Variants in CEP112 observed in about 807,000 individuals in gnomAD.
CEP112 encodes centrosomal protein of 112 kDa.
In CEP112, 127 loss-of-function variants were observed where a neutral mutation model predicts 153.0. The observed-to-expected ratio is 0.83, with a 90% CI of 0.72 to 0.96. The LOEUF (loss-of-function observed/expected upper bound fraction) is 0.96. Among genes scored for constraint, CEP112 ranks in the 40% least tolerant of loss-of-function variants. CEP112 has a pLI of 0.00. For missense variants in CEP112, 1,089 were observed against 1,101.2 expected, an observed-to-expected ratio of 0.99 and a Z score of 0.16; for synonymous variants, 358 against 374.4, an observed-to-expected ratio of 0.96 and a Z score of 0.51.
intron 18 of CEP112, among the ~76,000 whole-genome samples, chr17:65,944,553 A>T (rs1037388831): frequency 5.3e-5 from 8 of 152,196 alleles, no homozygotes; most frequent in Non-Finnish European, 8.8e-5. Flanking sequence ...CATTTTGGAA[A>T]CACAGTTAAA....
chr17:66,180,446 G>A (rs2072674718), intron 2 of CEP112, among the ~76,000 whole-genome samples: 1 of 151,918 alleles, frequency 6.6e-6, no homozygotes, highest in Non-Finnish European at 1.5e-5. Context: ...TGTAAACCTT[G>A]AAAGAGATAA....
chr17:66,039,377 C>A (rs2065878280), intron 12 of CEP112, among the ~76,000 whole-genome samples: 1 of 152,034 alleles, frequency 6.6e-6, no homozygotes, highest in African/African-American at 2.4e-5. Context: ...CCACAGTTCT[C>A]CTATGGCAAA....
At chr17:66,086,587 T>C (rs534986608) in intron 8 of CEP112, among the ~76,000 whole-genome samples, 1 of 151,846 alleles carries the variant, frequency 6.6e-6, no homozygotes, top group African/African-American at 2.4e-5. Context: ...GTATTTTTTT[T>C]AGCAGAGACG....
At chr17:66,090,883 G>A (rs2068108594) in intron 8 of CEP112, among the ~76,000 whole-genome samples, 1 of 151,980 alleles carries the variant, frequency 6.6e-6, no homozygotes, top group Non-Finnish European at 1.5e-5. Flanking sequence ...GAAAGAGCGA[G>A]GGTAGAAATA....
intron 4 of CEP112, among the ~76,000 whole-genome samples, chr17:66,151,186 A>G (rs1164495844): frequency 6.6e-6 from 1 of 152,156 alleles, no homozygotes; most frequent in African/African-American, 2.4e-5. Context: ...ATTTATATTT[A>G]ATGTAATTAT....
chr17:66,189,224 G>A (rs2073066551), intron 1 of CEP112, among the ~76,000 whole-genome samples: 1 of 152,182 alleles, frequency 6.6e-6, no homozygotes, highest in South Asian at 2.1e-4. Flanking sequence ...TTGAAGGCCA[G>A]GCGCGTTGGC....
At chr17:65,670,821 ATGGAATGTATTACTAC>A (rs1191573174) in intron 24 of CEP112, among the ~76,000 whole-genome samples, 1 of 135,348 alleles carries the variant, frequency 7.4e-6, no homozygotes, top group Non-Finnish European at 1.5e-5. Context: ...CTAAAACCTT[ATGGAATGTATTACTAC>A]TGTATTTACT....
intron 24 of CEP112, chr17:65,688,243 C>G (rs1379253080): frequency 6.6e-6 from 1 of 152,182 alleles, no homozygotes; most frequent in East Asian, 1.9e-4. Context: ...ATTTATGCCT[C>G]TAAGCAAAAT....
intron 21 of CEP112, among the ~76,000 whole-genome samples, chr17:65,754,646 T>C (rs2052122776): frequency 6.6e-6 from 1 of 151,884 alleles, no homozygotes; most frequent in Admixed American, 6.6e-5. Flanking sequence ...TAAAATAAAA[T>C]ACAATACAGT....
chr17:65,887,915 C>A (rs2059338363), intron 20 of CEP112, among the ~76,000 whole-genome samples: 1 of 152,178 alleles, frequency 6.6e-6, no homozygotes. Flanking sequence ...ATCACTAACA[C>A]TGGGGACAAT....
chr17:65,788,583 G>A (rs574225142), intron 21 of CEP112, among the ~76,000 whole-genome samples: 1 of 152,042 alleles, frequency 6.6e-6, no homozygotes, highest in South Asian at 2.1e-4. Context: ...ATTTCTACAG[G>A]ACTATTAGAG....
chr17:66,112,469 G>T (rs1320773386), intron 6 of CEP112, among the ~76,000 whole-genome samples: 1 of 151,934 alleles, frequency 6.6e-6, no homozygotes, highest in East Asian at 1.9e-4. Context: ...TCACAATGCG[G>T]TGATATTTTA....
At chr17:65,776,424 T>C (rs2053682312) in intron 21 of CEP112, among the ~76,000 whole-genome samples, 1 of 152,280 alleles carries the variant, frequency 6.6e-6, no homozygotes, top group African/African-American at 2.4e-5. Flanking sequence ...TTAGTAGAGA[T>C]GGATGTTAGC....
chr17:66,069,704 A>G (rs1370007681), intron 9 of CEP112, among the ~76,000 whole-genome samples: 2 of 152,162 alleles, frequency 1.3e-5, no homozygotes, highest in Non-Finnish European at 2.9e-5. Flanking sequence ...ATAAGGTTTT[A>G]AATAAACACA....
At chr17:65,997,038 G>A (rs532484106) in intron 17 of CEP112, among the ~76,000 whole-genome samples, 2 of 152,154 alleles carry the variant, frequency 1.3e-5, no homozygotes, top group African/African-American at 2.4e-5. Flanking sequence ...GTGAAACCTC[G>A]TCTCTACTAA....
chr17:66,130,575 A>G (rs2070096280), intron 5 of CEP112, among the ~76,000 whole-genome samples: 2 of 152,152 alleles, frequency 1.3e-5, no homozygotes, highest in Non-Finnish European at 2.9e-5. Flanking sequence ...GGAGATCAAG[A>G]CCATCCTGGC....
In CEP112 at chr17:65,993,319, AT is replaced by A. The variant is rs749452259; in HGVS notation, c.1736+12370del. On this transcript the variant is annotated intron_variant, in intron 17 of 26. Transcript: ENST00000535342. Reference sequence around the variant, plus strand: ...GTATTCCATGGTATATATGTACCACATTTTCTTTATCCAGTCTATCATTGAT... The same window carrying A: ...GTATTCCATGGTATATATGTACCACATTTCTTTATCCAGTCTATCATTGAT... 2.6e-5 allele frequency among the ~76,000 whole-genome samples: 4 copies of A among 152,000 alleles called. No homozygotes were observed. In the South Asian group the frequency reaches 8.3e-4, roughly 32 times the overall value.
chr17:66,008,323 C>A lies in CEP112; in HGVS notation c.1657-2554G>T, dbSNP rs143670788. On this transcript the variant is annotated intron_variant, in intron 16 of 26. Coordinates refer to ENST00000535342, the MANE Select transcript of CEP112 (RefSeq NM_001199165.4). ...TACAGATTATTATTAATAATAATCA[C>A]CATATTATATCTCCAGATACTTATT... Among the ~76,000 whole-genome samples the A allele has an allele frequency of 5.3e-5, 8 of 152,092 alleles. No homozygotes were observed. In the East Asian group the frequency reaches 1.6e-3, roughly 30 times the overall value.
intron 20 of CEP112, among the ~76,000 whole-genome samples, chr17:65,879,722 G>C (rs1268460390): frequency 9.9e-5 from 15 of 151,328 alleles, no homozygotes; most frequent in Admixed American, 9.9e-4. Flanking sequence ...ATGAAAACAA[G>C]ATGCTCTGAA....
Sources: gnomAD v4.1 joint callset for allele counts (sites outside exome capture counted in the v4.1 genomes callset) on GRCh38, gnomAD v4.1.1 for gene constraint, MANE v1.5 for transcripts, NCBI Gene and HGNC (gene_info 2026-07-23, HGNC 2026-07-21) for gene names.